Variants in MORN1 observed in about 807,000 individuals in gnomAD.
MORN1 encodes the protein MORN repeat containing 1, also known as MORN repeat-containing protein 1.
A neutral mutation model predicts 61.9 loss-of-function variants in MORN1; 67 were observed. The observed-to-expected ratio is 1.08, with a 90% CI of 0.89 to 1.33. The LOEUF (loss-of-function observed/expected upper bound fraction) is 1.33, where lower values mean the gene tolerates loss of function less well. Among genes scored for constraint, MORN1 ranks in the 40% most tolerant of loss-of-function variants. The pLI is 0.00. For missense variants in MORN1, 752 were observed against 691.2 expected, an observed-to-expected ratio of 1.09 and a Z score of -0.99; for synonymous variants, 301 against 292.0, an observed-to-expected ratio of 1.03 and a Z score of -0.31.
At chr1:2,323,663 C>G in intron 13 of MORN1, 1 of 985,278 alleles carries the variant, frequency 1.0e-6, no homozygotes, top group Non-Finnish European at 1.2e-6. Flanking sequence ...CAGCAGCCCC[C>G]ACGCTGGGAG....
At chr1:2,322,001 A>G (rs1043838708) in intron 13 of MORN1, 1 of 982,884 alleles carries the variant, frequency 1.0e-6, no homozygotes, top group African/African-American at 1.7e-5. Context: ...TTCCCTCCAT[A>G]AACTGTTTTT....
chr1:2,325,207 TC>T (rs1640997281), intron 12 of MORN1, among the ~76,000 whole-genome samples: 1 of 15,412 alleles, frequency 6.5e-5, no homozygotes, highest in African/African-American at 1.6e-4. Context: ...TTCTTTTTTT[TC>T]TTTCTTCTTT....
At chr1:2,358,508 G>A in intron 9 of MORN1, 84 bp downstream of exon 9, 3 of 1,568,786 alleles carry the variant, frequency 1.9e-6, no homozygotes, top group South Asian at 1.1e-5. Context: ...CAGGTCTCTA[G>A]GGAAAAAAGG....
chr1:2,390,800 G>A (rs1482239770), intron 1 of MORN1: 48 of 960,806 alleles, frequency 5.0e-5, no homozygotes, highest in Non-Finnish European at 5.8e-5. Flanking sequence ...CCAGGCTGGG[G>A]TGCAGCGGCG....
intron 10 of MORN1, among the ~76,000 whole-genome samples, chr1:2,341,935 C>T (rs557513656): frequency 7.9e-5 from 12 of 152,334 alleles, no homozygotes; most frequent in Non-Finnish European, 1.6e-4. Context: ...CTGGGCTCCA[C>T]GGGCCCCAGA....
chr1:2,388,775 CAAAAAAA>C (rs57362688), intron 2 of MORN1, among the ~76,000 whole-genome samples: 5 of 64,570 alleles, frequency 7.7e-5, no homozygotes, highest in African/African-American at 3.1e-4. Flanking sequence ...AAGACTGTCT[CAAAAAAA>C]AAAAAAAAAA....
At chr1:2,360,643 C>T (rs552970803) in intron 8 of MORN1, among the ~76,000 whole-genome samples, 5 of 152,298 alleles carry the variant, frequency 3.3e-5, no homozygotes, top group African/African-American at 1.2e-4. Context: ...AGAGGGAGGA[C>T]CCTGAGTAGA....
chr1:2,340,787 C>T (rs1472318), intron 10 of MORN1, among the ~76,000 whole-genome samples: 39,018 of 152,174 alleles, frequency 0.26, 5,269 homozygotes, highest in East Asian at 0.43. Context: ...CAGGCCACCA[C>T]GCAGGGCACG....
intron 10 of MORN1, among the ~76,000 whole-genome samples, chr1:2,343,377 C>A (rs560744116): frequency 2.0e-5 from 3 of 152,192 alleles, no homozygotes; most frequent in Non-Finnish European, 4.4e-5. Flanking sequence ...ACAGAGCCGC[C>A]GGGCCCTGGG....
In MORN1 at chr1:2,328,042, C is replaced by A. The variant is rs934530625; in HGVS notation, c.1251-3899G>T. ...GCTCCAGGGAGCGGCATCAGAGAGGCCTTGGCCGAGTGCAGGCCGAGCAAG... is the reference window on the plus strand; with the variant it reads ...GCTCCAGGGAGCGGCATCAGAGAGGACTTGGCCGAGTGCAGGCCGAGCAAG... On this transcript the variant is annotated intron_variant, in intron 12 of 13. Transcript: ENST00000378531. 2.6e-5 allele frequency among the ~76,000 whole-genome samples: 4 copies of A among 152,266 alleles called. 1 individual carries two copies. Among genetic ancestry groups the A allele is most frequent in the Admixed American group, 2.6e-4 (4 of 15,294 alleles).
intron 8 of MORN1, among the ~76,000 whole-genome samples, chr1:2,366,169 C>A (rs1196178447): frequency 2.6e-5 from 4 of 151,472 alleles, no homozygotes; most frequent in African/African-American, 7.3e-5. Flanking sequence ...GAGTTCGTGT[C>A]CTTTGTAGGG....
chr1:2,362,681 C>A (rs1641915616), intron 8 of MORN1, among the ~76,000 whole-genome samples: 1 of 151,984 alleles, frequency 6.6e-6, no homozygotes, highest in Non-Finnish European at 1.5e-5. Flanking sequence ...GCCTACATGG[C>A]CAAACCCTGT....
chr1:2,360,568 G>A (rs1333996608), intron 8 of MORN1, among the ~76,000 whole-genome samples: 2 of 152,158 alleles, frequency 1.3e-5, no homozygotes, highest in African/African-American at 2.4e-5. Context: ...GGGGAACAAG[G>A]CACACAGTCA....
In MORN1 at chr1:2,334,294, G is replaced by A. The variant is rs993597986; in HGVS notation, c.1250+2175C>T. The stretch of plus-strand genomic sequence containing the variant: ...CACGTGGCTACAAGGAACTGGTGGT[G>A]GGGGTCAGGCTCCATGGAGGACGAG... On this transcript the variant is annotated intron_variant, in intron 12 of 13. Coordinates refer to ENST00000378531, the MANE Select transcript of MORN1 (RefSeq NM_024848.3). The surrounding 1 kb of genome is among the most constrained non-coding windows in gnomAD (Gnocchi z 5.4). 1.1e-4 allele frequency among the ~76,000 whole-genome samples: 16 copies of A among 152,262 alleles called. No homozygotes were observed. Among genetic ancestry groups the A allele is most frequent in the African/African-American group, 3.1e-4 (13 of 41,552 alleles).
In MORN1 at chr1:2,321,626, C is replaced by T. The variant is rs578113371; in HGVS notation, c.1298-47G>A. ...GTCCTCAGCAGGCTCCTGTCCCTTC[C>T]CCTCCCTGGCCTCAGCCCACTGCCC... On this transcript the variant is annotated intron_variant, in intron 13 of 13. Transcript: ENST00000378531. 2.3e-4 allele frequency: 322 copies of T among 1,429,754 alleles called. 3 individuals carry two copies. In the South Asian group the frequency reaches 4.4e-3, roughly 20 times the overall value. The allele number at this position is 1,429,754 out of a possible 1,614,324, so 88.6% of individuals were successfully genotyped here.
At chr1:2,323,594 T>C (rs963950935) in intron 13 of MORN1, 20 of 985,182 alleles carry the variant, frequency 2.0e-5, no homozygotes, top group Non-Finnish European at 2.4e-5. Context: ...GCCCCACGGC[T>C]GAGGGTCTGC....
At chr1:2,370,556 CGTAGGT>C (rs1642092925) in intron 8 of MORN1, among the ~76,000 whole-genome samples, 2 of 152,052 alleles carry the variant, frequency 1.3e-5, no homozygotes, top group Non-Finnish European at 2.9e-5. Flanking sequence ...AAAGATGAGC[CGTAGGT>C]GGACGGAAAG....
At chr1:2,342,553 A>C (rs932082693) in intron 10 of MORN1, among the ~76,000 whole-genome samples, 1 of 152,166 alleles carries the variant, frequency 6.6e-6, no homozygotes, top group Non-Finnish European at 1.5e-5. Flanking sequence ...GGCCTGGAGA[A>C]GTCAGCGGGA....
chr1:2,324,881 G>A (rs1050557879), intron 12 of MORN1, among the ~76,000 whole-genome samples: 2 of 152,084 alleles, frequency 1.3e-5, no homozygotes, highest in African/African-American at 2.4e-5. Flanking sequence ...GCAGGGCCAT[G>A]GCCAGGCAGG....
Sources: allele counts gnomAD v4.1 joint callset (sites outside exome capture counted in the v4.1 genomes callset), GRCh38; gene constraint gnomAD v4.1.1; non-coding constraint Gnocchi (gnomAD v3.1); transcripts MANE v1.5; gene names NCBI Gene and HGNC (gene_info 2026-07-23, HGNC 2026-07-21).